Variants in NF1 observed in about 807,000 individuals in gnomAD.
NF1 encodes neurofibromin.
NF1 carries 122 observed loss-of-function variants against 325.7 expected under a neutral mutation model. The observed-to-expected ratio is 0.37, with a 90% CI of 0.32 to 0.44. NF1 has a LOEUF of 0.44. Among genes scored for constraint, NF1 ranks in the 20% least tolerant of loss-of-function variants. NF1 has a pLI of 1.00. For synonymous variants in NF1, 1,091 were observed against 1,186.0 expected (o/e 0.92, Z 1.65); for missense variants, 2,140 against 3,415.4 (o/e 0.63, Z 9.31).
At chr17:31,225,289 G>A in intron 17 of NF1, 39 bp downstream of exon 17, 2 of 1,606,254 alleles carry the variant, frequency 1.2e-6, no homozygotes. Context: ...CATTTTATGT[G>A]CTCTGTTTGT....
intron 1 of NF1, chr17:31,128,415 G>A: frequency 6.6e-6 from 1 of 152,088 alleles, no homozygotes; most frequent in East Asian, 1.9e-4. Flanking sequence ...GCTTTGTAGT[G>A]TCACTGGTTA....
chr17:31,368,769 T>G (rs2070579405), intron 57 of NF1, among the ~76,000 whole-genome samples: 1 of 152,190 alleles, frequency 6.6e-6, no homozygotes, highest in Non-Finnish European at 1.5e-5. Context: ...TAACAACCCT[T>G]TGAAATAGAC....
Position 31,235,693 on chromosome 17 carries a change from A to G in NF1, c.3791A>G (p.Glu1264Gly), listed in dbSNP as rs200603400. Residue 1264 changes from glutamate (E) to glycine (G), a missense_variant, in exon 28 of 58, where the codon GAA becomes GGA. Physicochemically the swap from Glu to Gly is moderately conservative, Grantham distance 98 (BLOSUM62 -2). Transcript: ENST00000358273. ...YQLLWNMFSK[E>G]VELADSMQTL... Reference sequence around the variant, plus strand: ...CTGCTCTGGAACATGTTTTCTAAAGAAGTAGAATTGGCAGACTCCATGCAG... The same window carrying G: ...CTGCTCTGGAACATGTTTTCTAAAGGAGTAGAATTGGCAGACTCCATGCAG... 1.2e-6 allele frequency: 2 copies of G among 1,614,132 alleles called. No homozygotes were observed. The highest frequency in any genetic ancestry group is 1.7e-6 in the Non-Finnish European group (2 of 1,180,010).
At chr17:31,307,857 G>A (rs1475577704) in intron 36 of NF1, 2 of 1,279,228 alleles carry the variant, frequency 1.6e-6, no homozygotes, top group Non-Finnish European at 2.0e-6. Flanking sequence ...ATGTTCTGTT[G>A]GAAGGTGCAA....
chr17:31,203,533 T>C (rs2143898443), intron 11 of NF1, among the ~76,000 whole-genome samples: 1 of 152,180 alleles, frequency 6.6e-6, no homozygotes, highest in East Asian at 1.9e-4. Flanking sequence ...AAGTACTCTT[T>C]TGGTTGAAAA....
At chr17:31,317,295 G>A (rs1267912496) in intron 36 of NF1, among the ~76,000 whole-genome samples, 1 of 151,274 alleles carries the variant, frequency 6.6e-6, no homozygotes, top group Non-Finnish European at 1.5e-5. Flanking sequence ...TTAAATGTAA[G>A]TCATTATTTT....
Position 31,155,882 on chromosome 17 carries a change from C to T in NF1, c.61-101C>T, listed in dbSNP as rs2143623097. 5 of 1,349,070 alleles carry T rather than the reference C, an allele frequency of 3.7e-6. 1 individual carries two copies. The South Asian group carries it at 5.2e-5, about 14-fold the overall frequency. The allele number at this position is 1,349,070 out of a possible 1,614,324, so 83.6% of individuals were successfully genotyped here. On this transcript the variant is annotated intron_variant, in intron 1 of 57. Transcript: ENST00000358273. ...CAAGTATAGGTATCTGTGGTTGATGCAGTTTTCCTAAAACGTCATGATTTT... is the reference window on the plus strand; with the variant it reads ...CAAGTATAGGTATCTGTGGTTGATGTAGTTTTCCTAAAACGTCATGATTTT...
intron 11 of NF1, among the ~76,000 whole-genome samples, chr17:31,203,673 C>T (rs565357208): frequency 1.3e-5 from 2 of 152,178 alleles, no homozygotes; most frequent in South Asian, 4.1e-4. Context: ...ATTTGGACTT[C>T]TGATCTTAAA....
At position 31,249,080 on chromosome 17, in the gene NF1, C is replaced by T. The variant is rs747272290; in HGVS notation, c.4071C>T (p.Phe1357=). 5.6e-6 allele frequency: 9 copies of T among 1,613,818 alleles called. No individual in the cohort carries two copies. In the East Asian group the frequency reaches 1.1e-4, roughly 20 times the overall value. Residue 1357 remains phenylalanine, a synonymous_variant, in exon 30 of 58, where the codon TTC becomes TTT. Coordinates refer to ENST00000358273, the MANE Select transcript of NF1 (RefSeq NM_001042492.3). ...CCATCATCAGTTCCTCCTCAGAATT[C>T]CCCCCTCAACTTCGAAGTGTGTGCC... ...FHAIISSSSE[F]PPQLRSVCHC...
At position 31,326,120 on chromosome 17, in the gene NF1, T is replaced by G. The variant is rs2151538643; in HGVS notation, c.5136T>G (p.Pro1712=). 2 of 1,613,176 alleles carry G rather than the reference T, an allele frequency of 1.2e-6. No homozygotes were observed. ...AAAGGCTTGTTTTCATAGACTGTCC[T>G]GGGAAACTGGCTGAGCACATAGAGC... is the stretch of plus-strand genomic sequence containing the variant. ...GSKRLVFIDC[P]GKLAEHIEHE... is the part of the protein sequence containing the mutation. The change falls in exon 37 of 58, where the codon CCT becomes CCG. Residue 1712 remains proline, a synonymous_variant. Coordinates refer to ENST00000358273, the MANE Select transcript of NF1 (RefSeq NM_001042492.3).
At position 31,371,470 on chromosome 17, in the gene NF1, A is replaced by G. The variant is rs146507398; in HGVS notation, c.8378-2543A>G. 9.5e-3 allele frequency among the ~76,000 whole-genome samples: 1,448 copies of G among 152,344 alleles called. 23 individuals are homozygous for G. The highest frequency in any genetic ancestry group is 0.033 in the African/African-American group (1,362 of 41,574). On this transcript the variant is annotated intron_variant, in intron 57 of 57. Coordinates refer to ENST00000358273, the MANE Select transcript of NF1 (RefSeq NM_001042492.3). ...TACATCCCAAAGAAGCTCAAGGCAC[A>G]TTCCAGAGATCATGAGCAGCTTTCT...
chr17:31,105,463 C>T (rs1912776666), intron 1 of NF1, among the ~76,000 whole-genome samples: 1 of 152,252 alleles, frequency 6.6e-6, no homozygotes, highest in African/African-American at 2.4e-5. Context: ...AAGCTGTCGC[C>T]TGCCCTTATT....
chr17:31,285,835 T>G (rs2068216418), intron 36 of NF1, among the ~76,000 whole-genome samples: 3 of 152,162 alleles, frequency 2.0e-5, no homozygotes, highest in Non-Finnish European at 4.4e-5. Flanking sequence ...TTTTCTTATG[T>G]AACTTACAAA....
At chr17:31,231,032 T>C in intron 24 of NF1, 107 bp downstream of exon 24, 1 of 867,892 alleles carries the variant, frequency 1.2e-6, no homozygotes. Context: ...ACTTTTGAGA[T>C]GTCAAACTTT....
chr17:31,238,323 G>T (rs1471249071), intron 29 of NF1, among the ~76,000 whole-genome samples: 6 of 152,140 alleles, frequency 3.9e-5, no homozygotes, highest in African/African-American at 1.4e-4. Flanking sequence ...ACAGTGTTCT[G>T]TTATCCCTAG....
intron 36 of NF1, chr17:31,321,430 G>A (rs1019985212): frequency 3.9e-5 from 6 of 152,122 alleles, no homozygotes; most frequent in South Asian, 4.2e-4. Context: ...GCATTTCCTC[G>A]AACACTAATC....
At chr17:31,199,815 A>G (rs573868601) in intron 8 of NF1, among the ~76,000 whole-genome samples, 23 of 152,304 alleles carry the variant, frequency 1.5e-4, no homozygotes, top group Middle Eastern at 6.8e-3. Context: ...GACTTTAAAT[A>G]TCAAAAAGAA....
intron 8 of NF1, among the ~76,000 whole-genome samples, chr17:31,192,986 G>A (rs1458452649): frequency 2.0e-5 from 3 of 152,030 alleles, no homozygotes; most frequent in Non-Finnish European, 4.4e-5. Flanking sequence ...ATTTAATTAC[G>A]AATCCCACTA....
chr17:31,360,443 C>CT (rs1418523730), intron 56 of NF1, 44 bp from the exon 57 acceptor site: 1 of 1,561,534 alleles, frequency 6.4e-7, no homozygotes, highest in Admixed American at 1.7e-5. Flanking sequence ...TGGGGATTTA[C>CT]TTAAAAAAAA....
Sources: gnomAD v4.1 joint callset for allele counts (sites outside exome capture counted in the v4.1 genomes callset) on GRCh38, gnomAD v4.1.1 for gene constraint, MANE v1.5 for transcripts, NCBI Gene and HGNC (gene_info 2026-07-23, HGNC 2026-07-21) for gene names.